Variants in MAD1L1 observed in about 807,000 individuals in gnomAD.
The protein encoded by MAD1L1 is mitotic arrest deficient 1 like 1.
A neutral mutation model predicts 96.9 loss-of-function variants in MAD1L1; 95 were observed. The ratio of observed to expected loss-of-function variants is 0.98; its 90% CI spans 0.83 to 1.16. The LOEUF (loss-of-function observed/expected upper bound fraction) is 1.16. Ranked by LOEUF, MAD1L1 falls within the 50% of genes most tolerant of loss-of-function variation. The pLI, the probability that MAD1L1 is intolerant of heterozygous loss-of-function variation, is 0.00. For missense variants in MAD1L1, 1,007 were observed against 954.4 expected (o/e 1.06, Z -0.73); for synonymous variants, 473 against 396.6 (o/e 1.19, Z -2.29).
intron 15 of MAD1L1, among the ~76,000 whole-genome samples, chr7:1,973,239 G>A (rs896230470): frequency 5.3e-5 from 8 of 152,308 alleles, no homozygotes; most frequent in African/African-American, 1.9e-4. Flanking sequence ...AGATCTGCCC[G>A]ATTCTCTGTT....
chr7:2,102,187 C>CCACCAT (rs1562688440), intron 11 of MAD1L1, among the ~76,000 whole-genome samples: 1 of 145,606 alleles, frequency 6.9e-6, no homozygotes, highest in African/African-American at 2.5e-5. Flanking sequence ...GTCACCACAA[C>CCACCAT]CACCATCACC....
At chr7:1,971,120 C>T (rs1780385306) in intron 15 of MAD1L1, among the ~76,000 whole-genome samples, 1 of 152,180 alleles carries the variant, frequency 6.6e-6, no homozygotes, top group Non-Finnish European at 1.5e-5. Context: ...ATCCTTAAAC[C>T]CCGTCTCAGG....
chr7:2,005,728 G>C (rs970829623), intron 13 of MAD1L1, among the ~76,000 whole-genome samples: 1 of 152,184 alleles, frequency 6.6e-6, no homozygotes, highest in African/African-American at 2.4e-5. Context: ...TTGAGACCAA[G>C]AGGTTGAGGC....
At chr7:1,830,649 T>C (rs1782657123) in intron 18 of MAD1L1, among the ~76,000 whole-genome samples, 1 of 152,224 alleles carries the variant, frequency 6.6e-6, no homozygotes, top group South Asian at 2.1e-4. Context: ...AGACTGGAAG[T>C]ATGTGACTGT....
intron 9 of MAD1L1, 56 bp from the exon 10 acceptor site, chr7:2,213,329 T>G: frequency 6.7e-7 from 1 of 1,494,592 alleles, no homozygotes; most frequent in Non-Finnish European, 9.3e-7. Flanking sequence ...GATCATCACA[T>G]AAGACTGACA....
chr7:1,878,812 T>C (rs1785524006), intron 18 of MAD1L1, among the ~76,000 whole-genome samples: 1 of 148,164 alleles, frequency 6.7e-6, no homozygotes, highest in Non-Finnish European at 1.5e-5. Flanking sequence ...ATATAAGGCA[T>C]AAAAGTTGAA....
intron 12 of MAD1L1, among the ~76,000 whole-genome samples, chr7:2,036,476 T>C (rs1462883630): frequency 1.3e-5 from 2 of 152,210 alleles, no homozygotes; most frequent in Non-Finnish European, 2.9e-5. Flanking sequence ...CTGGATGAAG[T>C]GTCTAGTCTG....
intron 17 of MAD1L1, among the ~76,000 whole-genome samples, chr7:1,920,324 C>T (rs955534920): frequency 3.9e-5 from 6 of 152,202 alleles, no homozygotes; most frequent in East Asian, 1.9e-4. Flanking sequence ...TAAGCTCGCC[C>T]GGGGCTGTGT....
At chr7:2,105,693 G>A (rs1443395102) in intron 11 of MAD1L1, among the ~76,000 whole-genome samples, 1 of 152,100 alleles carries the variant, frequency 6.6e-6, no homozygotes. Flanking sequence ...TGGTGGCCTC[G>A]GCCTGTCTCC....
rs966021992 is a variant in MAD1L1, at chr7:2,088,217, C to T, written c.1074-18879G>A. 6.6e-6 allele frequency among the ~76,000 whole-genome samples: 1 copy of T among 152,226 alleles called. No homozygotes were observed. Among genetic ancestry groups the T allele is most frequent in the Non-Finnish European group, 1.5e-5 (1 of 68,044 alleles). ...AAGCGACCTTGGATCACACATCGCG[C>T]CTCTTCACGCCTCCTCACACCCCTG... On this transcript the variant is annotated intron_variant, in intron 11 of 18. Coordinates refer to ENST00000265854, the MANE Select transcript of MAD1L1 (RefSeq NM_001013836.2). This position sits in a 1 kb window ranked among gnomAD's most constrained non-coding sequence, Gnocchi z 4.4.
At chr7:2,102,436 CACCACCACTGCTACTGTCACCA>C (rs1786855235) in intron 11 of MAD1L1, among the ~76,000 whole-genome samples, 1 of 83,172 alleles carries the variant, frequency 1.2e-5, no homozygotes, top group Non-Finnish European at 2.8e-5. Context: ...CTGTCACCCT[CACCACCACTGCTACTGTCACCA>C]CTCACCACCA....
At chr7:1,973,978 G>C (rs1204042335) in intron 15 of MAD1L1, among the ~76,000 whole-genome samples, 2 of 152,244 alleles carry the variant, frequency 1.3e-5, no homozygotes, top group Admixed American at 6.5e-5. Flanking sequence ...CGCTGATGCT[G>C]CTGGGCGGGG....
intron 18 of MAD1L1, among the ~76,000 whole-genome samples, chr7:1,820,279 G>A (rs955042535): frequency 2.0e-5 from 3 of 152,112 alleles, no homozygotes; most frequent in African/African-American, 7.2e-5. Flanking sequence ...CGCACCCAAG[G>A]CAGTGCTTAG....
At chr7:1,819,984 G>A (rs1782040267) in intron 18 of MAD1L1, among the ~76,000 whole-genome samples, 1 of 152,102 alleles carries the variant, frequency 6.6e-6, no homozygotes, top group African/African-American at 2.4e-5. Flanking sequence ...CTGAAATAAT[G>A]CAGTAAAATG....
intron 10 of MAD1L1, among the ~76,000 whole-genome samples, chr7:2,168,698 G>A (rs993438851): frequency 2.2e-4 from 33 of 152,280 alleles, no homozygotes; most frequent in African/African-American, 7.2e-4. Context: ...AGAAGGCACA[G>A]GACGATACTC....
chr7:2,140,231 C>T (rs1788961249), intron 11 of MAD1L1, among the ~76,000 whole-genome samples: 1 of 152,208 alleles, frequency 6.6e-6, no homozygotes, highest in South Asian at 2.1e-4. Context: ...GGCCAGTGTC[C>T]CAGAGGCAAA....
At chr7:1,989,829 C>T (rs1781326965) in intron 14 of MAD1L1, among the ~76,000 whole-genome samples, 1 of 152,246 alleles carries the variant, frequency 6.6e-6, no homozygotes, top group African/African-American at 2.4e-5. Context: ...CAAGGTCCCT[C>T]CCTCCTGGAG....
intron 18 of MAD1L1, among the ~76,000 whole-genome samples, chr7:1,858,125 T>C (rs28432248): frequency 0.31 from 46,406 of 151,912 alleles, 8,987 homozygotes; most frequent in African/African-American, 0.55. Context: ...GCTGCTTTAA[T>C]TTCTTAGGCT....
intron 10 of MAD1L1, among the ~76,000 whole-genome samples, chr7:2,204,835 T>A (rs1255503121): frequency 6.6e-6 from 1 of 152,222 alleles, no homozygotes; most frequent in Non-Finnish European, 1.5e-5. Flanking sequence ...GGTCACACCG[T>A]AAGTGTGTAC....
Sources: gnomAD v4.1 joint callset for allele counts (sites outside exome capture counted in the v4.1 genomes callset) on GRCh38, gnomAD v4.1.1 for gene constraint, Gnocchi (gnomAD v3.1) non-coding constraint, MANE v1.5 for transcripts, NCBI Gene and HGNC (gene_info 2026-07-23, HGNC 2026-07-21) for gene names.